The following ATP6V0A4 variants were observed in gnomAD, a reference collection of about 807,000 sequenced individuals.
The protein encoded by ATP6V0A4 is V-type proton ATPase 116 kDa subunit a 4.
Under a neutral mutation model 107.3 loss-of-function variants are expected in ATP6V0A4, and 86 were observed. The ratio of observed to expected loss-of-function variants is 0.80; its 90% CI spans 0.67 to 0.96. The LOEUF (loss-of-function observed/expected upper bound fraction) is 0.96, where lower values mean the gene tolerates loss of function less well. Ranked by LOEUF, ATP6V0A4 falls within the 40% of genes least tolerant of loss-of-function variation. The pLI is 0.00. For synonymous variants in ATP6V0A4, 353 were observed against 381.4 expected, an observed-to-expected ratio of 0.93 and a Z score of 0.87; for missense variants, 908 against 1,045.6, an observed-to-expected ratio of 0.87 and a Z score of 1.81.
At chr7:138,751,035 C>G (rs1427703240) in intron 11 of ATP6V0A4, among the ~76,000 whole-genome samples, 3 of 152,084 alleles carry the variant, frequency 2.0e-5, no homozygotes. Context: ...CCCATGCTAT[C>G]AATGCCGCCT....
chr7:138,749,070 C>G (rs1806097716), intron 12 of ATP6V0A4, 97 bp downstream of exon 12: 2 of 1,494,766 alleles, frequency 1.3e-6, no homozygotes, highest in African/African-American at 2.8e-5. Flanking sequence ...CCAAGCCTCA[C>G]AGTTTTAACA....
rs532840353 is a variant in ATP6V0A4, at chr7:138,726,373, T to A, written c.2010+2388A>T. Among the ~76,000 whole-genome samples the A allele has an allele frequency of 5.9e-4, 90 of 152,212 alleles. 4 individuals are homozygous for A. The South Asian group carries it at 0.018, about 31-fold the overall frequency. On this transcript the variant is annotated intron_variant, in intron 18 of 21. Transcript: ENST00000310018. ...GGGGACCTGGGTTCATAGCAGCAAG[T>A]CAGAAGGGGAAACAGAACGTGGGGG...
intron 2 of ATP6V0A4, among the ~76,000 whole-genome samples, chr7:138,778,890 C>T (rs1047806037): frequency 4.6e-5 from 7 of 152,146 alleles, no homozygotes; most frequent in Admixed American, 1.3e-4. Flanking sequence ...TCCCCTCCCC[C>T]GATCATTGAT....
intron 15 of ATP6V0A4, among the ~76,000 whole-genome samples, chr7:138,738,824 T>C (rs574221404): frequency 1.3e-5 from 2 of 152,142 alleles, no homozygotes; most frequent in Non-Finnish European, 2.9e-5. Flanking sequence ...TTCTCTCCCA[T>C]AAAGAAAGAG....
rs186476308 is a variant in ATP6V0A4 at position 138,781,319 on chromosome 7, T to A, written c.-18+4839A>T. 2.8e-5 allele frequency among the ~76,000 whole-genome samples: 4 copies of A among 145,370 alleles called. No homozygotes were observed. The East Asian group carries it at 7.8e-4, about 28-fold the overall frequency. On this transcript the variant is annotated intron_variant, in intron 2 of 21. Coordinates refer to ENST00000310018, the MANE Select transcript of ATP6V0A4 (RefSeq NM_020632.3). ...CTTTTTTTGGTTGATTCTTTCAGAT[T>A]TTCTTTTTTTTTTTCTTTTTCTTTT...
At chr7:138,736,262 AAAG>A (rs1327759759) in intron 15 of ATP6V0A4, among the ~76,000 whole-genome samples, 6 of 152,114 alleles carry the variant, frequency 3.9e-5, no homozygotes, top group African/African-American at 1.4e-4. Context: ...AAATAAATAA[AAAG>A]AAAATTTTAA....
At chr7:138,768,519 A>G (rs1045549246) in intron 5 of ATP6V0A4, among the ~76,000 whole-genome samples, 1 of 151,890 alleles carries the variant, frequency 6.6e-6, no homozygotes. Flanking sequence ...AAAGCAATCA[A>G]CTCCTCAAAG....
chr7:138,709,642 T>C lies in ATP6V0A4; in HGVS notation c.2411A>G (p.His804Arg). 1.7e-5 allele frequency: 28 copies of C among 1,612,818 alleles called. No individual in the cohort carries two copies. The highest frequency in any genetic ancestry group is 2.2e-5 in the Non-Finnish European group (26 of 1,179,422). ...TCCTTACCAGTGCAGTCGCAGGGCG[T>C]GCAGGAAAGCAGAGAGGCCCTCCAT... is the stretch of plus-strand genomic sequence containing the variant. The part of the protein sequence containing the change: ...LIMEGLSAFL[H>R]ALRLHWVEFQ... Residue 804 changes from histidine (H) to arginine (R), a missense_variant, in exon 21 of 22, where the codon CAC becomes CGC. By Grantham distance (29) the His-to-Arg change is conservative. Coordinates refer to ENST00000310018, the MANE Select transcript of ATP6V0A4 (RefSeq NM_020632.3).
intron 21 of ATP6V0A4, among the ~76,000 whole-genome samples, chr7:138,708,871 T>G (rs561262121): frequency 2.6e-4 from 39 of 151,774 alleles, no homozygotes; most frequent in Non-Finnish European, 4.3e-4. Context: ...GCCAGGAGTT[T>G]GAGACCAGCC....
chr7:138,783,158 G>C (rs1807999746), intron 2 of ATP6V0A4, among the ~76,000 whole-genome samples: 2 of 152,144 alleles, frequency 1.3e-5, no homozygotes. Flanking sequence ...CAGGGCAGCA[G>C]CTAAAGAGGA....
rs1185342768 is a variant in ATP6V0A4, at chr7:138,745,253, A to T, written c.1348T>A (p.Tyr450Asn). 1.2e-6 allele frequency: 2 copies of T among 1,614,034 alleles called. No individual in the cohort carries two copies. The highest frequency in any genetic ancestry group is 1.7e-6 in the Non-Finnish European group (2 of 1,179,998). ...AAGATGCCCATAAGTAGGATCAGAT[A>T]GCGCCCGTGGAAGAAGGTGTTCCAA... ...EIWNTFFHGR[Y>N]LILLMGIFSI... Residue 450 changes from tyrosine to asparagine, a missense_variant, in exon 14 of 22, where the codon TAT becomes AAT. By Grantham distance (143) the Tyr-to-Asn change is moderately radical. Transcript: ENST00000310018.
intron 16 of ATP6V0A4, 74 bp from the exon 17 acceptor site, chr7:138,733,167 G>A: frequency 6.3e-7 from 1 of 1,586,370 alleles, no homozygotes; most frequent in Non-Finnish European, 8.5e-7. Context: ...TTCTCTCAAA[G>A]CACAAAAGCA....
At chr7:138,736,920 T>G (rs1412226222) in intron 15 of ATP6V0A4, among the ~76,000 whole-genome samples, 7 of 151,688 alleles carry the variant, frequency 4.6e-5, no homozygotes, top group South Asian at 2.1e-4. Flanking sequence ...GACATAGAGA[T>G]GTTAACGTGC....
intron 20 of ATP6V0A4, among the ~76,000 whole-genome samples, chr7:138,710,483 C>A (rs1339506953): frequency 2.6e-5 from 4 of 152,186 alleles, no homozygotes; most frequent in Non-Finnish European, 5.9e-5. Context: ...GCCACCGCGC[C>A]CAGCCACAGC....
chr7:138,759,802 C>T lies in ATP6V0A4; in HGVS notation c.589G>A (p.Val197Met), dbSNP rs756026017. 3.1e-5 allele frequency: 50 copies of T among 1,614,002 alleles called. No individual in the cohort carries two copies. The highest frequency in any genetic ancestry group is 4.0e-5 in the African/African-American group (3 of 74,912). ...TCCATCTCACTGAACTTCAAGTACA[C>T]GTTTCCTCGGCAGATTCGCCACAGT... ...RLLWRICRGNVYLKFSEMDAP... is the reference protein window; with the variant it reads ...RLLWRICRGNMYLKFSEMDAP... The change falls in exon 8 of 22, where the codon GTG (valine) becomes ATG (methionine). Residue 197 changes from valine to methionine, a missense_variant. By Grantham distance (21) the Val-to-Met change is conservative. Coordinates refer to ENST00000310018, the MANE Select transcript of ATP6V0A4 (RefSeq NM_020632.3).
intron 2 of ATP6V0A4, among the ~76,000 whole-genome samples, 175 bp downstream of exon 2, chr7:138,785,983 C>T (rs902185083): frequency 6.6e-6 from 1 of 152,196 alleles, no homozygotes; most frequent in African/African-American, 2.4e-5. Context: ...CACTTTCTGT[C>T]CTCTAGATCA....
chr7:138,762,436 T>C lies in ATP6V0A4; in HGVS notation c.418-2A>G. On this transcript the variant is annotated splice_acceptor_variant, in intron 6 of 21. Transcript: ENST00000310018. LOFTEE classifies it high-confidence loss of function. ...ATCATCAGCTAAATTGGTTTCCGTC[T>C]GAAAGTCAAAGCACTATGATTTTCA... 1.9e-6 allele frequency: 3 copies of C among 1,614,116 alleles called. No homozygotes were observed. The highest frequency in any genetic ancestry group is 2.5e-6 in the Non-Finnish European group (3 of 1,179,994).
rs367840204 is a variant in ATP6V0A4, at chr7:138,709,439, C to T, written c.2429+185G>A. 9.9e-5 allele frequency among the ~76,000 whole-genome samples: 15 copies of T among 151,698 alleles called. No individual in the cohort carries two copies. The East Asian group carries it at 2.1e-3, about 22-fold the overall frequency. On this transcript the variant is annotated intron_variant, in intron 21 of 21. Transcript: ENST00000310018. Reference sequence around the variant, plus strand: ...GTGTGTGTGTATATATGTATATATACATATATATACACATATATTACATCA... The same window carrying T: ...GTGTGTGTGTATATATGTATATATATATATATATACACATATATTACATCA...
rs774631426 is a variant in ATP6V0A4, at chr7:138,755,744, A to G, written c.761T>C (p.Val254Ala). The part of the protein sequence containing the change: ...ATVYPCPEPA[V>A]ERREMLESVN... Reference sequence around the variant, plus strand: ...GCTCTCCAACATCTCTCTGCGCTCCACCGCAGGCTCTGGGCAAGGGTAGAC... The same window carrying G: ...GCTCTCCAACATCTCTCTGCGCTCCGCCGCAGGCTCTGGGCAAGGGTAGAC... The change falls in exon 10 of 22, where the codon GTG (valine) becomes GCG (alanine). Residue 254 changes from valine to alanine, a missense_variant. Transcript: ENST00000310018. 20 of 1,613,620 alleles carry G rather than the reference A, an allele frequency of 1.2e-5. No homozygotes were observed. The African/African-American group carries it at 2.0e-4, about 16-fold the overall frequency.
Sources: gnomAD v4.1 joint callset for allele counts (sites outside exome capture counted in the v4.1 genomes callset) on GRCh38, gnomAD v4.1.1 for gene constraint, MANE v1.5 for transcripts, NCBI Gene and HGNC (gene_info 2026-07-23, HGNC 2026-07-21) for gene names.